Variants in MED13L observed in about 807,000 individuals in gnomAD.
The protein encoded by MED13L is mediator of RNA polymerase II transcription subunit 13-like.
A neutral mutation model predicts 220.9 loss-of-function variants in MED13L; 7 were observed. The ratio of observed to expected loss-of-function variants is 0.03; its 90% CI spans 0.02 to 0.06. The LOEUF (loss-of-function observed/expected upper bound fraction) is 0.06. MED13L is among the 10% of genes least tolerant of loss of function. MED13L has a pLI of 1.00. For missense variants in MED13L, 1,965 were observed against 2,760.5 expected (o/e 0.71, Z 6.46); for synonymous variants, 1,011 against 1,015.2 (o/e 1.00, Z 0.08).
At chr12:116,009,181 T>C in intron 9 of MED13L, 49 bp from the exon 10 acceptor site, 1 of 1,606,416 alleles carries the variant, frequency 6.2e-7, no homozygotes. Context: ...AGAAAAGAGA[T>C]TCTCTGACAA....
At chr12:116,213,177 C>T (rs1882802975) in intron 2 of MED13L, among the ~76,000 whole-genome samples, 1 of 152,020 alleles carries the variant, frequency 6.6e-6, no homozygotes, top group Admixed American at 6.6e-5. Context: ...TCCTTCTCCA[C>T]CAATTCCCTT....
chr12:116,158,593 C>T (rs1878623567), intron 2 of MED13L, among the ~76,000 whole-genome samples: 1 of 152,082 alleles, frequency 6.6e-6, no homozygotes, highest in Non-Finnish European at 1.5e-5. Context: ...TGATGCACTC[C>T]AGTGAGATTA....
Position 115,991,933 on chromosome 12 carries a change from T to C in MED13L, c.3021A>G (p.Leu1007=), listed in dbSNP as rs1428470821. The C allele has an allele frequency of 6.3e-7, 1 of 1,599,746 alleles. No individual in the cohort carries two copies. Among genetic ancestry groups the C allele is most frequent in the Non-Finnish European group, 8.5e-7 (1 of 1,179,908 alleles). Residue 1007 remains leucine, a synonymous_variant, in exon 17 of 31, where the codon CTA becomes CTG. Coordinates refer to ENST00000281928, the MANE Select transcript of MED13L (RefSeq NM_015335.5). The surrounding 1 kb of genome is among the most constrained non-coding windows in gnomAD (Gnocchi z 7.7). ...GTGTGTTCAGATAGTCTGGATCTGC[T>C]AGGCTCCCAACACTAGGCACGTTAC... is the stretch of plus-strand genomic sequence containing the variant. ...GYNNVPSVGS[L]ADPDYLNTPQ... is the part of the protein sequence containing the mutation.
chr12:115,977,046 C>A (rs1876986625), intron 23 of MED13L, among the ~76,000 whole-genome samples: 1 of 152,128 alleles, frequency 6.6e-6, no homozygotes. Flanking sequence ...GCCTGTAGTC[C>A]CAGCTACTTG....
intron 4 of MED13L, among the ~76,000 whole-genome samples, chr12:116,086,007 T>TA (rs1214108057): frequency 6.6e-6 from 1 of 152,172 alleles, no homozygotes; most frequent in Non-Finnish European, 1.5e-5. Flanking sequence ...TCTGGCTGGA[T>TA]AAAATGGCTT....
At chr12:116,265,861 A>G (rs1188494044) in intron 1 of MED13L, among the ~76,000 whole-genome samples, 1 of 152,218 alleles carries the variant, frequency 6.6e-6, no homozygotes, top group Non-Finnish European at 1.5e-5. Flanking sequence ...CTTCCAAAGA[A>G]TGCCCTTCCC....
At chr12:116,034,534 T>C (rs1020823537) in intron 4 of MED13L, among the ~76,000 whole-genome samples, 2 of 152,194 alleles carry the variant, frequency 1.3e-5, no homozygotes, top group African/African-American at 4.8e-5. Flanking sequence ...CTATGGAGAA[T>C]AATACAGTGT....
intron 2 of MED13L, among the ~76,000 whole-genome samples, chr12:116,144,141 A>T (rs537703283): frequency 2.0e-5 from 3 of 152,184 alleles, no homozygotes; most frequent in Non-Finnish European, 4.4e-5. Flanking sequence ...CTGCCCCAAC[A>T]GCTTAACTCA....
At chr12:116,005,213 T>C (rs1878976644) in intron 13 of MED13L, among the ~76,000 whole-genome samples, 1 of 152,232 alleles carries the variant, frequency 6.6e-6, no homozygotes, top group Non-Finnish European at 1.5e-5. Flanking sequence ...TACTCATCTC[T>C]AGATCTCCCA....
Position 116,008,976 on chromosome 12 carries a change from C to A in MED13L, c.1437G>T (p.Leu479=). 9 of 1,614,090 alleles carry A rather than the reference C, an allele frequency of 5.6e-6. No homozygotes were observed. The highest frequency in any genetic ancestry group is 7.6e-6 in the Non-Finnish European group (9 of 1,179,998). The change falls in exon 10 of 31, where the codon CTG becomes CTT. Residue 479 remains leucine (L), a synonymous_variant. Transcript: ENST00000281928. ...GAAATGGTATTAAGGGTCTCTTTTG[C>A]AGCTTGTCTCCTTTTTCCTGTCTTT... ...TAERQEKGDK[L]QKRPLIPFHH...
At chr12:116,257,184 C>A (rs1872131326) in intron 1 of MED13L, among the ~76,000 whole-genome samples, 1 of 152,156 alleles carries the variant, frequency 6.6e-6, no homozygotes, top group South Asian at 2.1e-4. Context: ...TAATGAAGTT[C>A]ATTAGTGATA....
At chr12:115,995,761 C>A (rs990688014) in intron 16 of MED13L, among the ~76,000 whole-genome samples, 1 of 152,204 alleles carries the variant, frequency 6.6e-6, no homozygotes, top group East Asian at 1.9e-4. Flanking sequence ...CTTACATTGG[C>A]CTACCATTGG....
At chr12:116,267,871 T>A (rs1872952522) in intron 1 of MED13L, among the ~76,000 whole-genome samples, 1 of 152,146 alleles carries the variant, frequency 6.6e-6, no homozygotes, top group Admixed American at 6.6e-5. Flanking sequence ...TAAGAACATG[T>A]CTCATGATCA....
intron 23 of MED13L, among the ~76,000 whole-genome samples, chr12:115,979,700 T>C (rs971631028): frequency 5.9e-5 from 9 of 152,354 alleles, no homozygotes; most frequent in Non-Finnish European, 8.8e-5. Flanking sequence ...ATTGGTGTTT[T>C]AAGGAGCTCT....
At chr12:116,123,061 A>G (rs1383023820) in intron 2 of MED13L, among the ~76,000 whole-genome samples, 1 of 152,194 alleles carries the variant, frequency 6.6e-6, no homozygotes, top group Non-Finnish European at 1.5e-5. Flanking sequence ...TTTTAAAATG[A>G]TTACCATTTT....
intron 2 of MED13L, among the ~76,000 whole-genome samples, chr12:116,218,586 C>T (rs1883137746): frequency 2.0e-5 from 3 of 151,986 alleles, no homozygotes; most frequent in African/African-American, 7.3e-5. Context: ...ACACTAACAT[C>T]AAACTTTTCA....
chr12:116,195,932 T>C (rs1422723520), intron 2 of MED13L, among the ~76,000 whole-genome samples: 1 of 152,126 alleles, frequency 6.6e-6, no homozygotes, highest in Non-Finnish European at 1.5e-5. Flanking sequence ...AGAGATAAAA[T>C]GTAAACAGTA....
In MED13L at chr12:116,116,241, C is replaced by A. The variant is rs913729574; in HGVS notation, c.311-4729G>T. Among the ~76,000 whole-genome samples the A allele has an allele frequency of 5.3e-5, 8 of 152,082 alleles. 1 individual carries two copies. The highest frequency in any genetic ancestry group is 1.0e-4 in the Non-Finnish European group (7 of 68,026). On this transcript the variant is annotated intron_variant, in intron 2 of 30. Transcript: ENST00000281928. Reference sequence around the variant, plus strand: ...TCTATCTCAGCCCCCTATTCCCCAACCCCCACCCTGACTTCTAGGGAGAAG... The same window carrying A: ...TCTATCTCAGCCCCCTATTCCCCAAACCCCACCCTGACTTCTAGGGAGAAG...
At chr12:116,020,513 T>C (rs1203658801) in intron 5 of MED13L, among the ~76,000 whole-genome samples, 2 of 152,318 alleles carry the variant, frequency 1.3e-5, no homozygotes, top group Non-Finnish European at 2.9e-5. Context: ...AAGAATAACA[T>C]ATAAATGAAA....
Sources: gnomAD v4.1 joint callset for allele counts (sites outside exome capture counted in the v4.1 genomes callset) on GRCh38, gnomAD v4.1.1 for gene constraint, Gnocchi (gnomAD v3.1) non-coding constraint, MANE v1.5 for transcripts, NCBI Gene and HGNC (gene_info 2026-07-23, HGNC 2026-07-21) for gene names.